TOM1L2: variants seen among roughly 807,000 people sequenced by gnomAD.
TOM1L2 encodes the protein target of myb1 like 2 membrane trafficking protein.
TOM1L2 carries 31 observed loss-of-function variants against 67.9 expected under a neutral mutation model. That is an observed-to-expected ratio of 0.46 (90% CI 0.34 to 0.62). The LOEUF (loss-of-function observed/expected upper bound fraction) is 0.62. TOM1L2 is among the 20% of genes least tolerant of loss of function. The pLI, the probability that TOM1L2 is intolerant of heterozygous loss-of-function variation, is 0.01. For missense variants in TOM1L2, 606 were observed against 663.5 expected (o/e 0.91, Z 0.95); for synonymous variants, 256 against 254.0 (o/e 1.01, Z -0.07).
At chr17:17,933,150 G>A (rs187958674) in intron 1 of TOM1L2, among the ~76,000 whole-genome samples, 3 of 152,080 alleles carry the variant, frequency 2.0e-5, no homozygotes, top group African/African-American at 7.2e-5. Context: ...GGAACTTTTT[G>A]TCTTCTTCCT....
Position 17,847,322 on chromosome 17 carries a change from G to C in TOM1L2, c.*313C>G, listed in dbSNP as rs553301450. ...TGGGCGGGTGGAGGAAAGACAGTCC[G>C]GGTGGTCTGCTCAGGAAGCACTGCC... On this transcript the variant is annotated 3_prime_UTR_variant, in exon 15 of 15. Transcript: ENST00000379504. 11 of 368,262 alleles carry C rather than the reference G, an allele frequency of 3.0e-5. No homozygotes were observed. The South Asian group carries it at 3.2e-4, about 11-fold the overall frequency. 22.8% of individuals were successfully genotyped at this position (368,262 alleles called of 1,614,324 possible).
Position 17,879,694 on chromosome 17 carries a change from A to G in TOM1L2, c.710T>C (p.Val237Ala). The G allele has an allele frequency of 6.2e-7, 1 of 1,614,166 alleles. No individual in the cohort carries two copies. Among genetic ancestry groups the G allele is most frequent in the Non-Finnish European group, 8.5e-7 (1 of 1,180,040 alleles). Reference protein sequence around the residue: ...ELDVVRGNTKVMSEMLTEMVP... With the variant: ...ELDVVRGNTKAMSEMLTEMVP... ...CATTTCTGTTAACATCTCAGACATG[A>G]CTTTTGTGTTTCCTCGAACGACGTC... Residue 237 changes from valine to alanine, a missense_variant, in exon 7 of 15, where the codon GTC becomes GCC. Physicochemically the swap from Val to Ala is moderately conservative, Grantham distance 64. Transcript: ENST00000379504.
chr17:17,955,325 CTTTT>C (rs67575563), intron 1 of TOM1L2, among the ~76,000 whole-genome samples: 40 of 108,138 alleles, frequency 3.7e-4, no homozygotes, highest in Non-Finnish European at 5.0e-4. Flanking sequence ...CACACAATTC[CTTTT>C]TTTTTTTTTT....
chr17:17,899,858 A>C (rs1000030337), intron 2 of TOM1L2, among the ~76,000 whole-genome samples: 4 of 152,220 alleles, frequency 2.6e-5, no homozygotes, highest in African/African-American at 9.6e-5. Flanking sequence ...GGCCCCTTCA[A>C]ATGTGTATGA....
intron 8 of TOM1L2, among the ~76,000 whole-genome samples, chr17:17,868,043 G>A (rs2036952446): frequency 6.6e-6 from 1 of 152,212 alleles, no homozygotes; most frequent in Non-Finnish European, 1.5e-5. Flanking sequence ...ACTCTTGGGT[G>A]AAAATACTCA....
chr17:17,862,923 T>G, intron 10 of TOM1L2, 75 bp from the exon 11 acceptor site: 3 of 801,542 alleles, frequency 3.7e-6, no homozygotes, highest in Non-Finnish European at 5.4e-6. Flanking sequence ...GCCCCCAAGC[T>G]AGGACGCCAG....
chr17:17,869,323 A>G lies in TOM1L2; in HGVS notation c.911+17T>C, dbSNP rs867388294. On this transcript the variant is annotated intron_variant, in intron 8 of 14. Coordinates refer to ENST00000379504, the MANE Select transcript of TOM1L2 (RefSeq NM_001082968.2). The stretch of plus-strand genomic sequence containing the variant: ...CTTTTCAAGGGAAAAAAAAAAAAAA[A>G]GAAATCCGGCTCCCACCTCTCGTAT... The G allele has an allele frequency of 6.2e-7, 1 of 1,606,338 alleles. No homozygotes were observed. Among genetic ancestry groups the G allele is most frequent in the Admixed American group, 1.7e-5 (1 of 59,680 alleles).
rs369066421 is a variant in TOM1L2, at chr17:17,881,152, T to G, written c.661-1409A>C. On this transcript the variant is annotated intron_variant, in intron 6 of 14. Transcript: ENST00000379504. ...TCAATGGTCTACCAGGGAGATGGTC[T>G]GGGTCCTGAGAGGCTCTTGTTAGCC... Among the ~76,000 whole-genome samples, 25 of 152,334 alleles carry G rather than the reference T, an allele frequency of 1.6e-4. No homozygotes were observed. The East Asian group carries it at 4.2e-3, about 26-fold the overall frequency.
intron 1 of TOM1L2, among the ~76,000 whole-genome samples, chr17:17,970,870 G>A (rs1229301851): frequency 2.6e-5 from 4 of 152,130 alleles, no homozygotes; most frequent in Non-Finnish European, 4.4e-5. Context: ...CATAAAAGAC[G>A]TTTTACCAGT....
At chr17:17,956,479 T>A (rs1182287195) in intron 1 of TOM1L2, among the ~76,000 whole-genome samples, 1 of 152,194 alleles carries the variant, frequency 6.6e-6, no homozygotes, top group Non-Finnish European at 1.5e-5. Context: ...TGCCTGCCAG[T>A]CCCTGGCAGT....
In TOM1L2 at chr17:17,879,636, C is replaced by T; in HGVS notation, c.768G>A (p.Glu256=). The T allele has an allele frequency of 6.2e-7, 1 of 1,613,844 alleles. No individual in the cohort carries two copies. The highest frequency in any genetic ancestry group is 8.5e-7 in the Non-Finnish European group (1 of 1,179,676). Residue 256 remains glutamate (E), a synonymous_variant, in exon 7 of 15, where the codon GAG becomes GAA. Coordinates refer to ENST00000379504, the MANE Select transcript of TOM1L2 (RefSeq NM_001082968.2). ...VPGQEDSSDL[E]LLQELNRTCR... Reference sequence around the variant, plus strand: ...CTGAAAGATGACTCACCTGCAGCAACTCCAGATCAGATGAATCCTCCTGTC... The same window carrying T: ...CTGAAAGATGACTCACCTGCAGCAATTCCAGATCAGATGAATCCTCCTGTC...
At chr17:17,907,289 A>G (rs943262833) in intron 2 of TOM1L2, among the ~76,000 whole-genome samples, 158 bp downstream of exon 2, 1 of 152,256 alleles carries the variant, frequency 6.6e-6, no homozygotes, top group African/African-American at 2.4e-5. Context: ...GATGAAGACA[A>G]AAAGGACAGA....
intron 4 of TOM1L2, among the ~76,000 whole-genome samples, chr17:17,886,243 T>A (rs1311195721): frequency 6.6e-6 from 1 of 152,256 alleles, no homozygotes; most frequent in Non-Finnish European, 1.5e-5. Flanking sequence ...TAATTATGAC[T>A]GATGCATCTC....
intron 4 of TOM1L2, among the ~76,000 whole-genome samples, chr17:17,889,013 C>T (rs113678027): frequency 2.6e-4 from 39 of 152,346 alleles, no homozygotes; most frequent in African/African-American, 8.9e-4. Context: ...GGCTGCACCA[C>T]TCTCAATGTG....
At chr17:17,913,604 C>G (rs2039501509) in intron 1 of TOM1L2, among the ~76,000 whole-genome samples, 1 of 152,152 alleles carries the variant, frequency 6.6e-6, no homozygotes, top group Non-Finnish European at 1.5e-5. Flanking sequence ...GTTTGTGTGG[C>G]ATTTTCTGCA....
chr17:17,931,488 G>A lies in TOM1L2; in HGVS notation c.53-23957C>T, dbSNP rs2144703892. 1.3e-5 allele frequency among the ~76,000 whole-genome samples: 2 copies of A among 152,268 alleles called. 1 individual carries two copies. Among genetic ancestry groups the A allele is most frequent in the South Asian group, 4.1e-4 (2 of 4,826 alleles). ...CATCTATAGAACAGAAACAGGGCCTGGCACACAGGAGTCCTCAGGAGAACT... is the reference window on the plus strand; with the variant it reads ...CATCTATAGAACAGAAACAGGGCCTAGCACACAGGAGTCCTCAGGAGAACT... On this transcript the variant is annotated intron_variant, in intron 1 of 14. Coordinates refer to ENST00000379504, the MANE Select transcript of TOM1L2 (RefSeq NM_001082968.2).
intron 1 of TOM1L2, among the ~76,000 whole-genome samples, chr17:17,917,742 C>T (rs1196161599): frequency 6.6e-6 from 1 of 151,838 alleles, no homozygotes; most frequent in African/African-American, 2.4e-5. Context: ...ACTGCTTGAG[C>T]TCAGGAGTTT....
chr17:17,882,355 C>T (rs1165137800), intron 6 of TOM1L2, among the ~76,000 whole-genome samples: 4 of 152,260 alleles, frequency 2.6e-5, no homozygotes, highest in African/African-American at 9.6e-5. Flanking sequence ...TCCGAGAGAG[C>T]AGCGTCTGCA....
At chr17:17,854,330 A>G (rs113843553) in intron 12 of TOM1L2, among the ~76,000 whole-genome samples, 9 of 152,198 alleles carry the variant, frequency 5.9e-5, no homozygotes, top group African/African-American at 1.9e-4. Context: ...TGGTTGGAGC[A>G]GGGGGCACTG....
Sources: gnomAD v4.1 joint callset for allele counts (sites outside exome capture counted in the v4.1 genomes callset) on GRCh38, gnomAD v4.1.1 for gene constraint, MANE v1.5 for transcripts, NCBI Gene and HGNC (gene_info 2026-07-23, HGNC 2026-07-21) for gene names.